JAG1: variants seen among roughly 807,000 people sequenced by gnomAD.
JAG1 encodes the protein protein jagged-1.
JAG1 carries 23 observed loss-of-function variants against 148.7 expected under a neutral mutation model. The ratio of observed to expected loss-of-function variants is 0.15; its 90% CI spans 0.11 to 0.22. The LOEUF is 0.22. Ranked by LOEUF, JAG1 falls within the 10% of genes least tolerant of loss-of-function variation. The pLI, the probability that JAG1 is intolerant of heterozygous loss-of-function variation, is 1.00. For missense variants in JAG1, 1,054 were observed against 1,611.2 expected, an observed-to-expected ratio of 0.65 and a Z score of 5.92; for synonymous variants, 572 against 598.3, an observed-to-expected ratio of 0.96 and a Z score of 0.64.
At chr20:10,653,359 T>C (rs2067358872) in intron 5 of JAG1, among the ~76,000 whole-genome samples, 1 of 149,124 alleles carries the variant, frequency 6.7e-6, no homozygotes, top group African/African-American at 2.5e-5. Context: ...TGATTAATCA[T>C]ACTCTTTTGG....
At chr20:10,650,415 T>G in intron 8 of JAG1, 55 bp from the exon 9 acceptor site, 4 of 998,222 alleles carry the variant, frequency 4.0e-6, no homozygotes, top group Non-Finnish European at 6.3e-6. Flanking sequence ...ATCTGACAAT[T>G]AGATCCTTTA....
At position 10,638,087 on chromosome 20, in the gene JAG1, G is replaced by A. The variant is rs1422184723; in HGVS notation, c.*1411C>T. The A allele has an allele frequency of 6.6e-6, 1 of 152,608 alleles. No individual in the cohort carries two copies. The highest frequency in any genetic ancestry group is 1.5e-5 in the Non-Finnish European group (1 of 68,036). The allele number at this position is 152,608 out of a possible 1,614,324, so 9.5% of individuals were successfully genotyped here. ...TATAACACTAATAGGACAATACAAA[G>A]TATCTTCACGGTCTCAATGGTGAAC... On this transcript the variant is annotated 3_prime_UTR_variant, in exon 26 of 26. Transcript: ENST00000254958.
At chr20:10,669,685 T>C (rs149361205) in intron 2 of JAG1, among the ~76,000 whole-genome samples, 108 of 151,540 alleles carry the variant, frequency 7.1e-4, no homozygotes, top group African/African-American at 2.6e-3. Flanking sequence ...TTTCTCTAGA[T>C]TCATTTCACT....
intron 10 of JAG1, 135 bp downstream of exon 10, chr20:10,649,387 C>A: frequency 1.4e-6 from 1 of 714,220 alleles, no homozygotes; most frequent in Non-Finnish European, 2.6e-6. Context: ...GCCCTGACCA[C>A]TCCCTCTCAA....
chr20:10,669,256 T>TAC (rs1302864008), intron 2 of JAG1, among the ~76,000 whole-genome samples: 1 of 152,052 alleles, frequency 6.6e-6, no homozygotes, highest in Non-Finnish European at 1.5e-5. Flanking sequence ...AGCACATACG[T>TAC]ACACACATGC....
In JAG1 at chr20:10,652,598, C is replaced by T; in HGVS notation, c.756G>A (p.Arg252=). 6.2e-7 allele frequency: 1 copy of T among 1,613,916 alleles called. No individual in the cohort carries two copies. The highest frequency in any genetic ancestry group is 8.5e-7 in the Non-Finnish European group (1 of 1,179,948). The change falls in exon 6 of 26, where the codon AGG becomes AGA. Residue 252 remains arginine, a splice_region_variant and synonymous_variant. Coordinates refer to ENST00000254958, the MANE Select transcript of JAG1 (RefSeq NM_000214.3). ...ACAGGCCTTGCCAGCCGTACTGGCA[C>T]CTGGAGACACACAGCACACCTCCAG... is the stretch of plus-strand genomic sequence containing the variant. ...HGSCKLPGDC[R]CQYGWQGLYC... is the part of the protein sequence containing the mutation.
At chr20:10,651,509 G>T in intron 8 of JAG1, 72 bp downstream of exon 8, 1 of 1,009,672 alleles carries the variant, frequency 9.9e-7, no homozygotes, top group Non-Finnish European at 1.6e-6. Context: ...GACAAGCCTA[G>T]GTACCTCTCC....
At chr20:10,658,166 G>A (rs2067390743) in intron 4 of JAG1, among the ~76,000 whole-genome samples, 1 of 152,188 alleles carries the variant, frequency 6.6e-6, no homozygotes, top group Non-Finnish European at 1.5e-5. Context: ...GTCAATCACT[G>A]ACTGTGAGCT....
At position 10,652,448 on chromosome 20, in the gene JAG1, C is replaced by T; in HGVS notation, c.886+20G>A. The T allele has an allele frequency of 1.2e-6, 2 of 1,613,614 alleles. No homozygotes were observed. Among genetic ancestry groups the T allele is most frequent in the Non-Finnish European group, 1.7e-6 (2 of 1,179,786 alleles). ...CCCACCCCCAGATCCCACCCTGGGTCTCATCCCTAAGGGCCATACCTTTGT... is the reference window on the plus strand; with the variant it reads ...CCCACCCCCAGATCCCACCCTGGGTTTCATCCCTAAGGGCCATACCTTTGT... On this transcript the variant is annotated intron_variant, in intron 6 of 25. Transcript: ENST00000254958.
At position 10,647,948 on chromosome 20, in the gene JAG1, G is replaced by C; in HGVS notation, c.1720+12C>G. ...GTCTGGAGACAGCCAGGTCCCGGGA[G>C]AAGGGAGGTACCTTCACAGGGGGTC... is the stretch of plus-strand genomic sequence containing the variant. On this transcript the variant is annotated intron_variant, in intron 13 of 25. Transcript: ENST00000254958. 6 of 1,613,992 alleles carry C rather than the reference G, an allele frequency of 3.7e-6. No homozygotes were observed. Among genetic ancestry groups the C allele is most frequent in the Non-Finnish European group, 5.1e-6 (6 of 1,180,002 alleles).
rs1424927935 is a variant in JAG1 at position 10,638,242 on chromosome 20, G to C, written c.*1256C>G. The C allele has an allele frequency of 6.6e-6, 1 of 152,268 alleles. No homozygotes were observed. The highest frequency in any genetic ancestry group is 1.5e-5 in the Non-Finnish European group (1 of 67,998). 9.4% of individuals were successfully genotyped at this position (152,268 alleles called of 1,614,324 possible). On this transcript the variant is annotated 3_prime_UTR_variant, in exon 26 of 26. Transcript: ENST00000254958. The stretch of plus-strand genomic sequence containing the variant: ...CAGTGATCTTACTGGACATTTTATG[G>C]TTCAAGTATTCAACTAGCTTATTAG...
At chr20:10,649,429 A>G in intron 10 of JAG1, 93 bp downstream of exon 10, 2 of 800,756 alleles carry the variant, frequency 2.5e-6, no homozygotes, top group Non-Finnish European at 4.4e-6. Context: ...TTTTCCTTCT[A>G]CTGCTCAAGT....
Position 10,652,593 on chromosome 20 carries a change from T to G in JAG1, c.761A>C (p.Gln254Pro). The G allele has an allele frequency of 6.2e-7, 1 of 1,613,948 alleles. No homozygotes were observed. Among genetic ancestry groups the G allele is most frequent in the Non-Finnish European group, 8.5e-7 (1 of 1,179,944 alleles). Residue 254 changes from glutamine (Q) to proline (P), a missense_variant, in exon 6 of 26, where the codon CAG becomes CCG. This residue lies in a region of JAG1 where 104 missense variants were observed against 235.2 expected (regional missense o/e 0.44). Coordinates refer to ENST00000254958, the MANE Select transcript of JAG1 (RefSeq NM_000214.3). ...ACAGTACAGGCCTTGCCAGCCGTAC[T>G]GGCACCTGGAGACACACAGCACACC... The part of the protein sequence containing the change: ...SCKLPGDCRC[Q>P]YGWQGLYCDK...
chr20:10,648,808 G>C (rs1165087236), intron 11 of JAG1, 86 bp from the exon 12 acceptor site: 8 of 1,356,876 alleles, frequency 5.9e-6, no homozygotes, highest in Admixed American at 5.4e-5. Flanking sequence ...TAGCATGACT[G>C]TTGCGGTTTA....
At chr20:10,644,541 C>CACTTA in intron 18 of JAG1, 157 bp from the exon 19 acceptor site, 1 of 704,276 alleles carries the variant, frequency 1.4e-6, no homozygotes, top group South Asian at 1.6e-5. Flanking sequence ...GCCCGCACCA[C>CACTTA]ACTTAGTTTC....
chr20:10,671,180 G>GT (rs1330628464), intron 2 of JAG1, among the ~76,000 whole-genome samples: 16 of 152,318 alleles, frequency 1.1e-4, no homozygotes, highest in African/African-American at 3.8e-4. Context: ...TTCAAGGGCA[G>GT]TTTGAGTATT....
At position 10,649,139 on chromosome 20, in the gene JAG1, G is replaced by T. The variant is rs770745189; in HGVS notation, c.1349-32C>A. 4.7e-6 allele frequency: 7 copies of T among 1,478,638 alleles called. No individual in the cohort carries two copies. In the Admixed American group the frequency reaches 5.0e-5, roughly 11 times the overall value. The allele number at this position is 1,478,638 out of a possible 1,614,324, so 91.6% of individuals were successfully genotyped here. ...AATAAATAAGTCATCATTTTAAAGAGGTAATTTACAGTGAAATTGGGCTTA... is the reference window on the plus strand; with the variant it reads ...AATAAATAAGTCATCATTTTAAAGATGTAATTTACAGTGAAATTGGGCTTA... On this transcript the variant is annotated intron_variant, in intron 10 of 25. Transcript: ENST00000254958.
chr20:10,662,396 A>C (rs945205319), intron 3 of JAG1: 1 of 152,532 alleles, frequency 6.6e-6, no homozygotes, highest in East Asian at 1.9e-4. Flanking sequence ...TGAATGCTGC[A>C]GTGTGGCGGG....
At chr20:10,666,884 C>T (rs1371741887) in intron 2 of JAG1, among the ~76,000 whole-genome samples, 1 of 152,344 alleles carries the variant, frequency 6.6e-6, no homozygotes, top group African/African-American at 2.4e-5. Context: ...ATCCAAGGGC[C>T]ACCAGGTTCC....
Sources: gnomAD v4.1 joint callset for allele counts (sites outside exome capture counted in the v4.1 genomes callset) on GRCh38, gnomAD v4.1.1 for gene constraint, gnomAD v4.1.1 regional missense constraint, MANE v1.5 for transcripts, NCBI Gene and HGNC (gene_info 2026-07-23, HGNC 2026-07-21) for gene names.